The following ITPRID2 variants were observed in gnomAD, a reference collection of about 807,000 sequenced individuals.
The protein encoded by ITPRID2 is ITPR interacting domain containing 2.
ITPRID2 carries 60 observed loss-of-function variants against 124.3 expected under a neutral mutation model. The observed-to-expected ratio is 0.48, with a 90% CI of 0.39 to 0.60. The LOEUF is 0.60. Ranked by LOEUF, ITPRID2 falls within the 20% of genes least tolerant of loss-of-function variation. The pLI, the probability that ITPRID2 is intolerant of heterozygous loss-of-function variation, is 0.00. For missense variants in ITPRID2, 1,553 were observed against 1,512.2 expected (o/e 1.03, Z -0.45); for synonymous variants, 521 against 542.9 (o/e 0.96, Z 0.56).
At chr2:181,916,784 TTCTC>T (rs1331096408) in intron 11 of ITPRID2, 3 of 966,580 alleles carry the variant, frequency 3.1e-6, no homozygotes, top group African/African-American at 3.5e-5. Context: ...TTAAAGTTCT[TTCTC>T]TCTTTCTCTC....
chr2:181,902,305 G>C lies in ITPRID2; in HGVS notation c.1252G>C (p.Asp418His). ...ATCTGGTATTGTAGAATCCAAATTA[G>C]ATAGTGATTTCAACATATCCAGCCA... ...EESGIVESKL[D>H]SDFNISSHSE... is the part of the protein sequence containing the mutation. Residue 418 changes from aspartate (D) to histidine (H), a missense_variant, in exon 8 of 18, where the codon GAT becomes CAT. By Grantham distance (81) the Asp-to-His change is moderately conservative (BLOSUM62 -1). Coordinates refer to ENST00000431877, the MANE Select transcript of ITPRID2 (RefSeq NM_001130445.3). The surrounding 1 kb of genome is among the most constrained non-coding windows in gnomAD (Gnocchi z 4.4). 6.2e-7 allele frequency: 1 copy of C among 1,613,960 alleles called. No individual in the cohort carries two copies.
rs563780452 is a variant in ITPRID2 at position 181,920,766 on chromosome 2, A to C, written c.3210+104A>C. 32 of 862,728 alleles carry C rather than the reference A, an allele frequency of 3.7e-5. No homozygotes were observed. The African/African-American group carries it at 5.0e-4, about 13-fold the overall frequency. The allele number at this position is 862,728 out of a possible 1,614,324, so 53.4% of individuals were successfully genotyped here. ...AAATATATGTTTATTTTAAATACAT[A>C]ATTTGATAAATTATTGTTGATTGGA... On this transcript the variant is annotated intron_variant, in intron 15 of 17. Coordinates refer to ENST00000431877, the MANE Select transcript of ITPRID2 (RefSeq NM_001130445.3).
chr2:181,918,525 C>T, intron 11 of ITPRID2, 73 bp from the exon 12 acceptor site: 1 of 1,585,862 alleles, frequency 6.3e-7, no homozygotes, highest in Non-Finnish European at 8.5e-7. Context: ...CAAATTCTGC[C>T]TTTTAACCCC....
rs1419126235 is a variant in ITPRID2, at chr2:181,892,229, G to A, written c.163G>A (p.Glu55Lys). The change falls in exon 1 of 18, where the codon GAG becomes AAG. Residue 55 changes from glutamate (E) to lysine (K), a missense_variant. Physicochemically the swap from Glu to Lys is moderately conservative, Grantham distance 56 (BLOSUM62 1). Transcript: ENST00000431877. The surrounding 1 kb of genome is among the most constrained non-coding windows in gnomAD (Gnocchi z 5.2). ...EATTQDEEED[E>K]EEDLPGAQLP... ...GACGACGCAGGACGAGGAGGAGGAC[G>A]AGGAGGAGGACCTCCCCGGCGCGCA... is the stretch of plus-strand genomic sequence containing the variant. The A allele has an allele frequency of 3.2e-6, 5 of 1,550,886 alleles. No individual in the cohort carries two copies. In the Admixed American group the frequency reaches 5.9e-5, roughly 18 times the overall value.
At chr2:181,909,610 G>A (rs914192921) in intron 8 of ITPRID2, among the ~76,000 whole-genome samples, 6 of 152,200 alleles carry the variant, frequency 3.9e-5, no homozygotes, top group African/African-American at 1.4e-4. Flanking sequence ...AGAACTAACC[G>A]TTACAGGGTA....
intron 16 of ITPRID2, among the ~76,000 whole-genome samples, chr2:181,925,243 G>A (rs539864663): frequency 6.6e-6 from 1 of 152,316 alleles, no homozygotes; most frequent in East Asian, 1.9e-4. Flanking sequence ...ATAATAAGTG[G>A]ATGTGTTCCC....
chr2:181,896,977 G>C lies in ITPRID2; in HGVS notation c.364+13G>C. On this transcript the variant is annotated intron_variant, in intron 4 of 17. Transcript: ENST00000431877. This position sits in a 1 kb window ranked among gnomAD's most constrained non-coding sequence, Gnocchi z 4.3. ...TTGGGAGCTGAAGGTATGTTTGTTT[G>C]GAAGAACTGTATTTTTGTGTAGTTT... 1 of 1,608,472 alleles carries C rather than the reference G, an allele frequency of 6.2e-7. No individual in the cohort carries two copies. The highest frequency in any genetic ancestry group is 8.5e-7 in the Non-Finnish European group (1 of 1,175,380).
In ITPRID2 at chr2:181,918,748, A is replaced by G; in HGVS notation, c.2866-7A>G. ...TAGAAGTGTAATTTTGTTATATTGCATTCTAGAATACTTTTCAGGAGCTCC... is the reference window on the plus strand; with the variant it reads ...TAGAAGTGTAATTTTGTTATATTGCGTTCTAGAATACTTTTCAGGAGCTCC... On this transcript the variant is annotated splice_polypyrimidine_tract_variant and splice_region_variant and intron_variant, in intron 12 of 17. Transcript: ENST00000431877. The G allele has an allele frequency of 6.2e-7, 1 of 1,613,792 alleles. No homozygotes were observed. Among genetic ancestry groups the G allele is most frequent in the Non-Finnish European group, 8.5e-7 (1 of 1,179,902 alleles).
At chr2:181,901,576 T>G (rs1016599773) in intron 7 of ITPRID2, among the ~76,000 whole-genome samples, 190 bp from the exon 8 acceptor site, 2 of 152,144 alleles carry the variant, frequency 1.3e-5, no homozygotes, top group Non-Finnish European at 2.9e-5. Context: ...GTGCTTAGAG[T>G]AAAAATCTTG....
intron 7 of ITPRID2, among the ~76,000 whole-genome samples, chr2:181,901,414 T>C (rs1284245971): frequency 6.6e-6 from 1 of 152,232 alleles, no homozygotes; most frequent in Non-Finnish European, 1.5e-5. Context: ...TTACATGCAT[T>C]TTCTTAGGAG....
In ITPRID2 at chr2:181,930,668, G is replaced by C. The variant is rs1479973745; in HGVS notation, c.*1121G>C. 3 of 152,438 alleles carry C rather than the reference G, an allele frequency of 2.0e-5. No homozygotes were observed. The highest frequency in any genetic ancestry group is 7.2e-5 in the African/African-American group (3 of 41,418). The allele number at this position is 152,438 out of a possible 1,614,324, so 9.4% of individuals were successfully genotyped here. A position where few individuals can be genotyped will look rare whatever the true frequency, so the allele number is the denominator to read the frequency against. On this transcript the variant is annotated 3_prime_UTR_variant, in exon 18 of 18. Transcript: ENST00000431877. ...ATCTCTAAAAGGCTTATAAATGTTT[G>C]AAATATCACACAAAGGCTGATTTCT... is the stretch of plus-strand genomic sequence containing the variant.
At chr2:181,899,618 T>C (rs1226804545) in intron 6 of ITPRID2, among the ~76,000 whole-genome samples, 1 of 152,170 alleles carries the variant, frequency 6.6e-6, no homozygotes, top group Non-Finnish European at 1.5e-5. Context: ...GGTGGATTAC[T>C]TGAGCTTAGG....
intron 11 of ITPRID2, chr2:181,916,751 CTAT>C: frequency 1.2e-6 from 1 of 839,904 alleles, no homozygotes; most frequent in African/African-American, 1.8e-5. Context: ...TTTGTCATTT[CTAT>C]TATTAAAAAA....
chr2:181,920,747 A>G (rs1694423608), intron 15 of ITPRID2, 85 bp downstream of exon 15: 3 of 1,002,566 alleles, frequency 3.0e-6, no homozygotes, highest in African/African-American at 1.6e-5. Context: ...GATGAAATAT[A>G]TGTTTATTTT....
In ITPRID2 at chr2:181,897,448, A is replaced by G. The variant is rs146129679; in HGVS notation, c.364+484A>G. Among the ~76,000 whole-genome samples the G allele has an allele frequency of 2.2e-3, 339 of 152,186 alleles. 1 individual carries two copies. The highest frequency in any genetic ancestry group is 0.014 in the East Asian group (72 of 5,188). On this transcript the variant is annotated intron_variant, in intron 4 of 17. Transcript: ENST00000431877. ...AGGGGAAAGACAAAATAGCAGAGCT[A>G]ATAGAATTTTATTAGAAATCATGCT...
rs571733986 is a variant in ITPRID2 at position 181,914,790 on chromosome 2, G to C, written c.1576-426G>C. On this transcript the variant is annotated intron_variant, in intron 10 of 17. Transcript: ENST00000431877. Reference sequence around the variant, plus strand: ...GGGCTGAAACTGGAGAGATACCCTGGTCTTGGAGAGGATATGATCAGGAAC... The same window carrying C: ...GGGCTGAAACTGGAGAGATACCCTGCTCTTGGAGAGGATATGATCAGGAAC... 1.1e-4 allele frequency among the ~76,000 whole-genome samples: 17 copies of C among 152,320 alleles called. No individual in the cohort carries two copies. The South Asian group carries it at 3.1e-3, about 28-fold the overall frequency.
chr2:181,923,050 G>A (rs560635526), intron 16 of ITPRID2, among the ~76,000 whole-genome samples: 4 of 152,334 alleles, frequency 2.6e-5, no homozygotes, highest in East Asian at 1.9e-4. Flanking sequence ...ACGAAGAAAA[G>A]AGGGTTTGCC....
At chr2:181,918,417 C>A in intron 11 of ITPRID2, 181 bp from the exon 12 acceptor site, 1 of 1,381,556 alleles carries the variant, frequency 7.2e-7, no homozygotes, top group East Asian at 2.7e-5. Context: ...GAACAGCTAG[C>A]AGTACTAGGT....
rs1692238454 is a variant in ITPRID2, at chr2:181,896,805, C to T, written c.308-103C>T. 1.2e-6 allele frequency: 1 copy of T among 823,666 alleles called. No homozygotes were observed. The highest frequency in any genetic ancestry group is 1.5e-5 in the South Asian group (1 of 64,544). 51.0% of individuals were successfully genotyped at this position (823,666 alleles called of 1,614,324 possible). Reference sequence around the variant, plus strand: ...GTACATTCAAGTCTGAAAGATTTTACTGTATAAGATATTTTGCTGGGTGAA... The same window carrying T: ...GTACATTCAAGTCTGAAAGATTTTATTGTATAAGATATTTTGCTGGGTGAA... On this transcript the variant is annotated intron_variant, in intron 3 of 17. Coordinates refer to ENST00000431877, the MANE Select transcript of ITPRID2 (RefSeq NM_001130445.3). This position sits in a 1 kb window ranked among gnomAD's most constrained non-coding sequence, Gnocchi z 4.3.
Sources: allele counts gnomAD v4.1 joint callset (sites outside exome capture counted in the v4.1 genomes callset), GRCh38; gene constraint gnomAD v4.1.1; non-coding constraint Gnocchi (gnomAD v3.1); transcripts MANE v1.5; gene names NCBI Gene and HGNC (gene_info 2026-07-23, HGNC 2026-07-21).